The following TSG101 variants were observed in gnomAD, a reference collection of about 807,000 sequenced individuals.
The protein encoded by TSG101 is tumor susceptibility gene 101 protein.
TSG101 carries 19 observed loss-of-function variants against 48.5 expected under a neutral mutation model. That is an observed-to-expected ratio of 0.39 (90% CI 0.27 to 0.58). The LOEUF (loss-of-function observed/expected upper bound fraction) is 0.58. TSG101 is among the 20% of genes least tolerant of loss of function. TSG101 has a pLI of 0.55. For synonymous variants in TSG101, 174 were observed against 169.4 expected (o/e 1.03, Z -0.21); for missense variants, 365 against 484.4 (o/e 0.75, Z 2.31).
chr11:18,524,675 TAGG>T (rs1565097228), intron 1 of TSG101, among the ~76,000 whole-genome samples: 1 of 152,090 alleles, frequency 6.6e-6, no homozygotes, highest in Non-Finnish European at 1.5e-5. Flanking sequence ...AAAAGGCAGG[TAGG>T]ATGCCCTCTC....
chr11:18,518,522 GA>G (rs1850216550), intron 2 of TSG101, among the ~76,000 whole-genome samples: 1 of 152,144 alleles, frequency 6.6e-6, no homozygotes, highest in Non-Finnish European at 1.5e-5. Flanking sequence ...TTAAAATAAG[GA>G]AAACTCCAAG....
At chr11:18,495,933 A>AT (rs907673632) in intron 7 of TSG101, among the ~76,000 whole-genome samples, 4 of 151,750 alleles carry the variant, frequency 2.6e-5, no homozygotes, top group Non-Finnish European at 4.4e-5. Context: ...CAAAAAAAAA[A>AT]AAAAAGTACT....
chr11:18,509,781 C>A (rs1850048204), intron 4 of TSG101, 116 bp from the exon 5 acceptor site: 2 of 1,110,284 alleles, frequency 1.8e-6, no homozygotes, highest in African/African-American at 1.6e-5. Context: ...TTGTAGGACC[C>A]CAATCATGAA....
intron 1 of TSG101, among the ~76,000 whole-genome samples, chr11:18,524,608 A>T (rs1230548363): frequency 6.6e-6 from 1 of 152,228 alleles, no homozygotes; most frequent in Non-Finnish European, 1.5e-5. Context: ...GCTGATGCTC[A>T]GAATCGTCAT....
At chr11:18,498,447 T>G (rs1177488571) in intron 7 of TSG101, among the ~76,000 whole-genome samples, 2 of 152,170 alleles carry the variant, frequency 1.3e-5, no homozygotes, top group East Asian at 3.8e-4. Flanking sequence ...TAATGGTGAC[T>G]TGGATCAGCA....
intron 1 of TSG101, among the ~76,000 whole-genome samples, chr11:18,523,207 CCTCT>C (rs1370346502): frequency 6.6e-6 from 1 of 152,122 alleles, no homozygotes; most frequent in Non-Finnish European, 1.5e-5. Flanking sequence ...AGTTTCTTTA[CCTCT>C]CTCAGGTGAG....
chr11:18,498,256 T>C (rs1849814992), intron 7 of TSG101, among the ~76,000 whole-genome samples: 1 of 152,154 alleles, frequency 6.6e-6, no homozygotes, highest in East Asian at 1.9e-4. Flanking sequence ...CCAAGAACTT[T>C]GGACTGAACT....
intron 2 of TSG101, among the ~76,000 whole-genome samples, chr11:18,518,217 T>C (rs761859795): frequency 6.6e-6 from 1 of 152,220 alleles, no homozygotes; most frequent in Non-Finnish European, 1.5e-5. Context: ...AATCGTGTCC[T>C]AGGTTTGGAA....
At chr11:18,499,402 A>ATATATATATATATTTT in intron 7 of TSG101, among the ~76,000 whole-genome samples, 9 of 5,446 alleles carry the variant, frequency 1.7e-3, no homozygotes, top group African/African-American at 4.5e-3. Context: ...ATATATATAT[A>ATATATATATATATTTT]TTTTTTTTTT....
chr11:18,521,359 CTTTTTTTTTT>C lies in TSG101; in HGVS notation c.43-1766_43-1757del, dbSNP rs917563952. Among the ~76,000 whole-genome samples the C allele has an allele frequency of 2.1e-3, 213 of 99,834 alleles. 1 individual carries two copies. Among genetic ancestry groups the C allele is most frequent in the African/African-American group, 6.5e-3 (187 of 28,610 alleles). 65.5% of individuals were successfully genotyped at this position (99,834 alleles called of 152,430 possible). A position where few individuals can be genotyped will look rare whatever the true frequency, so the allele number is the denominator to read the frequency against. ...CAGCAATATTTGACCAAACTGATTC[CTTTTTTTTTT>C]TTTTTTTTTTTTTTTTTGAGATAGG... On this transcript the variant is annotated intron_variant, in intron 1 of 9. Transcript: ENST00000251968.
At position 18,481,828 on chromosome 11, in the gene TSG101, A is replaced by T; in HGVS notation, c.885T>A (p.Asp295Glu). The T allele has an allele frequency of 6.2e-7, 1 of 1,613,980 alleles. No individual in the cohort carries two copies. Among genetic ancestry groups the T allele is most frequent in the Admixed American group, 1.7e-5 (1 of 60,018 alleles). The change falls in exon 9 of 10, where the codon GAT becomes GAA. Residue 295 changes from aspartate (D) to glutamate (E), a missense_variant. By Grantham distance (45) the Asp-to-Glu change is conservative. Transcript: ENST00000251968. ...DKNIELLKKK[D>E]EELSSALEKM... ...TTTCCAGAGCAGAACTGAGTTCTTCATCCTTCTTTTTCAAAAGTTCTATGT... is the reference window on the plus strand; with the variant it reads ...TTTCCAGAGCAGAACTGAGTTCTTCTTCCTTCTTTTTCAAAAGTTCTATGT...
At position 18,483,964 on chromosome 11, in the gene TSG101, T is replaced by A; in HGVS notation, c.749A>T (p.Gln250Leu). The A allele has an allele frequency of 6.2e-7, 1 of 1,614,236 alleles. No individual in the cohort carries two copies. The highest frequency in any genetic ancestry group is 8.5e-7 in the Non-Finnish European group (1 of 1,180,048). ...WRMKEEMDRAQAELNALKRTE... is the reference protein window; with the variant it reads ...WRMKEEMDRALAELNALKRTE... ...TCGTTTCAAGGCATTGAGCTCTGCC[T>A]GGGCACGATCCATTTCCTCCTTCAT... Residue 250 changes from glutamine (Q) to leucine (L), a missense_variant, in exon 8 of 10, where the codon CAG (glutamine) becomes CTG (leucine). By Grantham distance (113) the Gln-to-Leu change is moderately radical. Coordinates refer to ENST00000251968, the MANE Select transcript of TSG101 (RefSeq NM_006292.4).
At chr11:18,489,505 T>C (rs923214634) in intron 7 of TSG101, among the ~76,000 whole-genome samples, 4 of 152,246 alleles carry the variant, frequency 2.6e-5, no homozygotes, top group African/African-American at 4.8e-5. Context: ...GATTCCATTA[T>C]TGAAGCACAA....
rs1424473863 is a variant in TSG101, at chr11:18,483,783, T to G, written c.843+87A>C. 2.0e-5 allele frequency: 28 copies of G among 1,410,258 alleles called. No individual in the cohort carries two copies. The East Asian group carries it at 6.0e-4, about 30-fold the overall frequency. The allele number at this position is 1,410,258 out of a possible 1,614,324, so 87.4% of individuals were successfully genotyped here. A position where few individuals can be genotyped will look rare whatever the true frequency, so the allele number is the denominator to read the frequency against. Reference sequence around the variant, plus strand: ...CCTATAATTTTCTGAACTCCTACTATGCCCACAACATCCAGGGAACATATA... The same window carrying G: ...CCTATAATTTTCTGAACTCCTACTAGGCCCACAACATCCAGGGAACATATA... On this transcript the variant is annotated intron_variant, in intron 8 of 9. Coordinates refer to ENST00000251968, the MANE Select transcript of TSG101 (RefSeq NM_006292.4).
intron 7 of TSG101, among the ~76,000 whole-genome samples, chr11:18,496,475 A>C (rs558987656): frequency 0.012 from 1,733 of 139,832 alleles, 26 homozygotes; most frequent in East Asian, 0.049. Flanking sequence ...AATAAAATAA[A>C]ATAAAATAAA....
At chr11:18,496,428 C>A (rs1368589923) in intron 7 of TSG101, among the ~76,000 whole-genome samples, 3 of 118,306 alleles carry the variant, frequency 2.5e-5, no homozygotes, top group Non-Finnish European at 5.6e-5. Context: ...GGTGGCAGAG[C>A]GAAACTCTGT....
At chr11:18,481,064 C>T (rs978547715) in intron 9 of TSG101, among the ~76,000 whole-genome samples, 3 of 152,140 alleles carry the variant, frequency 2.0e-5, no homozygotes, top group Admixed American at 1.3e-4. Flanking sequence ...GATCAGATAT[C>T]CCAAGGGTGG....
chr11:18,515,084 T>A (rs1224231860), intron 3 of TSG101, among the ~76,000 whole-genome samples: 1 of 152,214 alleles, frequency 6.6e-6, no homozygotes, highest in Non-Finnish European at 1.5e-5. Context: ...ATTAACTGTT[T>A]TTTCCCTCTG....
chr11:18,499,255 T>G (rs976089366), intron 7 of TSG101, among the ~76,000 whole-genome samples: 18 of 118,908 alleles, frequency 1.5e-4, no homozygotes, highest in Admixed American at 3.6e-4. Context: ...ATTTATATAT[T>G]ATATATATTT....
Sources: gnomAD v4.1 joint callset for allele counts (sites outside exome capture counted in the v4.1 genomes callset) on GRCh38, gnomAD v4.1.1 for gene constraint, MANE v1.5 for transcripts, NCBI Gene and HGNC (gene_info 2026-07-23, HGNC 2026-07-21) for gene names.